Variants in CTBP2 observed in about 807,000 individuals in gnomAD.
The protein encoded by CTBP2 is C-terminal-binding protein 2.
CTBP2 carries 30 observed loss-of-function variants against 80.3 expected under a neutral mutation model. The observed-to-expected ratio is 0.37, with a 90% CI of 0.28 to 0.51. The LOEUF is 0.51. Among genes scored for constraint, CTBP2 ranks in the 20% least tolerant of loss-of-function variants. The pLI, the probability that CTBP2 is intolerant of heterozygous loss-of-function variation, is 0.93. For synonymous variants in CTBP2, 594 were observed against 587.4 expected, an observed-to-expected ratio of 1.01 and a Z score of -0.16; for missense variants, 1,212 against 1,375.3, an observed-to-expected ratio of 0.88 and a Z score of 1.88.
In CTBP2 at chr10:125,059,757, C is replaced by T. The variant is rs536310719; in HGVS notation, c.-101-20602G>A. Reference sequence around the variant, plus strand: ...GGGCAGCTCAGTGTGCTGCCCCTCTCGCCCCGCCAATTTCCTGCCCGCCCA... The same window carrying T: ...GGGCAGCTCAGTGTGCTGCCCCTCTTGCCCCGCCAATTTCCTGCCCGCCCA... On this transcript the variant is annotated intron_variant, in intron 2 of 10. Transcript: ENST00000337195. Among the ~76,000 whole-genome samples the T allele has an allele frequency of 2.0e-5, 3 of 152,276 alleles. No individual in the cohort carries two copies. The South Asian group carries it at 6.2e-4, about 32-fold the overall frequency.
At chr10:125,073,213 C>T (rs934291408) in intron 2 of CTBP2, among the ~76,000 whole-genome samples, 6 of 152,224 alleles carry the variant, frequency 3.9e-5, no homozygotes, top group African/African-American at 1.2e-4. Flanking sequence ...CTCAAAAACA[C>T]GATGAGATTT....
chr10:125,002,344 C>A (rs1195302131), intron 3 of CTBP2, among the ~76,000 whole-genome samples: 1 of 152,244 alleles, frequency 6.6e-6, no homozygotes, highest in Non-Finnish European at 1.5e-5. Flanking sequence ...ACATGCACCC[C>A]CAGCCGCAAG....
chr10:125,081,292 C>A (rs1023717056), intron 2 of CTBP2, among the ~76,000 whole-genome samples: 1 of 152,320 alleles, frequency 6.6e-6, no homozygotes. Flanking sequence ...CCAGAGGCAA[C>A]GCAGAATCCG....
intron 1 of CTBP2, among the ~76,000 whole-genome samples, chr10:125,159,233 G>A (rs1861496599): frequency 6.6e-6 from 1 of 150,386 alleles, no homozygotes; most frequent in South Asian, 2.1e-4. Flanking sequence ...GCCGCCCGGG[G>A]CGCGCCCTAG....
chr10:125,112,626 A>G (rs1030697876), intron 1 of CTBP2, among the ~76,000 whole-genome samples: 18 of 151,082 alleles, frequency 1.2e-4, no homozygotes, highest in African/African-American at 3.2e-4. Flanking sequence ...ACGAGGTTTC[A>G]CCATGTTGGT....
chr10:125,025,070 G>A (rs1041459832), intron 1 of CTBP2, among the ~76,000 whole-genome samples: 14 of 151,988 alleles, frequency 9.2e-5, no homozygotes, highest in African/African-American at 2.9e-4. Flanking sequence ...CTCGGTCCCC[G>A]CCTACAGCTG....
intron 1 of CTBP2, among the ~76,000 whole-genome samples, chr10:125,126,314 G>A (rs955414041): frequency 6.6e-6 from 1 of 152,198 alleles, no homozygotes. Context: ...TTAAAAATAG[G>A]CAGTCATGAA....
chr10:124,999,650 C>G (rs1954158658), intron 3 of CTBP2: 1 of 152,288 alleles, frequency 6.6e-6, no homozygotes, highest in South Asian at 2.1e-4. Context: ...GCCAAGGGAC[C>G]AGTGTGGTTG....
At chr10:125,158,900 G>A (rs1378671572) in intron 1 of CTBP2, among the ~76,000 whole-genome samples, 1 of 152,052 alleles carries the variant, frequency 6.6e-6, no homozygotes, top group Non-Finnish European at 1.5e-5. Flanking sequence ...CGAGCCACGG[G>A]AGGGAGTGTG....
intron 1 of CTBP2, among the ~76,000 whole-genome samples, chr10:125,137,178 G>A (rs1242049411): frequency 6.6e-6 from 1 of 152,234 alleles, no homozygotes; most frequent in East Asian, 1.9e-4. Context: ...AGTTTAAGGA[G>A]AAGAGACAAA....
chr10:125,160,439 C>G (rs1455962458), exon 1 of CTBP2: 1 of 153,268 alleles, frequency 6.5e-6, no homozygotes, highest in African/African-American at 2.4e-5. Context: ...CTGTGCGGCC[C>G]CCCCTCAGCG....
chr10:125,112,590 G>A (rs542691605), intron 1 of CTBP2, among the ~76,000 whole-genome samples: 10 of 151,930 alleles, frequency 6.6e-5, no homozygotes, highest in Non-Finnish European at 1.2e-4. Flanking sequence ...CACCATGCCC[G>A]GATAATTTTT....
rs1952030856 is a variant in CTBP2 at position 124,986,227 on chromosome 10, A to C, written c.*3291T>G. 1 of 152,340 alleles carries C rather than the reference A, an allele frequency of 6.6e-6. No homozygotes were observed. The allele number at this position is 152,340 out of a possible 1,614,324, so 9.4% of individuals were successfully genotyped here. ...CACAGAAATATTTGGTGTCCTGATA[A>C]GCACTTTCTAGACTATTGATGTGGC... On this transcript the variant is annotated 3_prime_UTR_variant, in exon 9 of 9. Transcript: ENST00000309035.
At chr10:125,056,801 T>C (rs1483763462) in intron 2 of CTBP2, among the ~76,000 whole-genome samples, 1 of 152,158 alleles carries the variant, frequency 6.6e-6, no homozygotes, top group East Asian at 1.9e-4. Context: ...CGGGCAGCAA[T>C]GCGGACAGGT....
At position 125,010,199 on chromosome 10, in the gene CTBP2, G is replaced by C. The variant is rs191899201; in HGVS notation, c.1679-6707C>G. The stretch of plus-strand genomic sequence containing the variant: ...TTTGGAAGAAAATCTGTGTTGCTAA[G>C]AGTGGCACTATTTTAAGGTTAAAAA... On this transcript the variant is annotated intron_variant, in intron 1 of 8. Coordinates refer to ENST00000309035, the MANE Select transcript of CTBP2 (RefSeq NM_022802.3). 4.7e-3 allele frequency among the ~76,000 whole-genome samples: 606 copies of C among 130,066 alleles called. 4 individuals are homozygous for C. The highest frequency in any genetic ancestry group is 7.7e-3 in the Non-Finnish European group (491 of 63,368). 85.3% of individuals were successfully genotyped at this position (130,066 alleles called of 152,430 possible).
intron 1 of CTBP2, among the ~76,000 whole-genome samples, chr10:125,112,743 A>G (rs1013081319): frequency 6.6e-6 from 1 of 152,126 alleles, no homozygotes; most frequent in African/African-American, 2.4e-5. Context: ...TGCTTTGTAA[A>G]CCATTCAAAT....
intron 1 of CTBP2, among the ~76,000 whole-genome samples, chr10:125,153,634 T>A (rs953949785): frequency 2.0e-5 from 3 of 152,270 alleles, no homozygotes; most frequent in African/African-American, 7.2e-5. Flanking sequence ...GGTACAATAC[T>A]ATCACTTCCA....
chr10:125,077,652 C>A (rs531859587), intron 2 of CTBP2, among the ~76,000 whole-genome samples: 1 of 152,298 alleles, frequency 6.6e-6, no homozygotes, highest in East Asian at 1.9e-4. Context: ...CTCTCTGACA[C>A]AAACAACTGG....
At chr10:125,140,876 A>G (rs1857691780) in intron 1 of CTBP2, among the ~76,000 whole-genome samples, 1 of 151,838 alleles carries the variant, frequency 6.6e-6, no homozygotes, top group Non-Finnish European at 1.5e-5. Context: ...ATGGTGGCTC[A>G]CACCTGCATA....
Sources: gnomAD v4.1 joint callset for allele counts (sites outside exome capture counted in the v4.1 genomes callset) on GRCh38, gnomAD v4.1.1 for gene constraint, MANE v1.5 for transcripts, NCBI Gene and HGNC (gene_info 2026-07-23, HGNC 2026-07-21) for gene names.